PLA2G4D: variants seen among roughly 807,000 people sequenced by gnomAD.
PLA2G4D encodes the protein cytosolic phospholipase A2 delta.
In PLA2G4D, 80 loss-of-function variants were observed where a neutral mutation model predicts 94.4. The observed-to-expected ratio is 0.85, with a 90% CI of 0.71 to 1.02. The LOEUF (loss-of-function observed/expected upper bound fraction) is 1.02. Among genes scored for constraint, PLA2G4D ranks in the 50% least tolerant of loss-of-function variants. PLA2G4D has a pLI of 0.00. For synonymous variants in PLA2G4D, 438 were observed against 440.9 expected (o/e 0.99, Z 0.08); for missense variants, 1,050 against 1,034.7 (o/e 1.01, Z -0.20).
intron 5 of PLA2G4D, 46 bp downstream of exon 5, chr15:42,085,445 G>GAC: frequency 1.2e-6 from 2 of 1,607,870 alleles, no homozygotes; most frequent in Non-Finnish European, 1.7e-6. Flanking sequence ...CATTTCCTCA[G>GAC]AGCCTGAGTC....
At chr15:42,087,460 G>A (rs760922728) in intron 2 of PLA2G4D, 24 bp from the exon 3 acceptor site, 10 of 1,613,710 alleles carry the variant, frequency 6.2e-6, no homozygotes, top group Non-Finnish European at 7.6e-6. Context: ...GGAAGTCTTC[G>A]TGAGGGAGTA....
intron 5 of PLA2G4D, 90 bp from the exon 6 acceptor site, chr15:42,085,228 G>T: frequency 6.8e-7 from 1 of 1,462,046 alleles, no homozygotes; most frequent in Non-Finnish European, 9.6e-7. Context: ...GATGCTGAGG[G>T]CTCTGTAAGT....
chr15:42,070,026 G>C lies in PLA2G4D; in HGVS notation c.2113C>G (p.Gln705Glu). 1.3e-6 allele frequency: 2 copies of C among 1,516,310 alleles called. No homozygotes were observed. Among genetic ancestry groups the C allele is most frequent in the Non-Finnish European group, 1.8e-6 (2 of 1,132,922 alleles). 93.9% of individuals were successfully genotyped at this position (1,516,310 alleles called of 1,614,324 possible). A position where few individuals can be genotyped will look rare whatever the true frequency, so the allele number is the denominator to read the frequency against. Residue 705 changes from glutamine to glutamate, a missense_variant, in exon 19 of 20, where the codon CAG becomes GAG. Transcript: ENST00000290472. ...CATTCCCTTGGCTGGTGCTGGTCCTGAGGGCTGGGTTCCACCCGGGGGAAG... is the reference window on the plus strand; with the variant it reads ...CATTCCCTTGGCTGGTGCTGGTCCTCAGGGCTGGGTTCCACCCGGGGGAAG... Reference protein sequence around the residue: ...LPFPRVEPSPQDQHQPRECHL... With the variant: ...LPFPRVEPSPEDQHQPRECHL...
In PLA2G4D at chr15:42,068,677, C is replaced by T. The variant is rs1041751991; in HGVS notation, c.*38G>A. ...AGCCCAGCTACAGATCAGGTTATGC[C>T]CGCAGGCCCTGGAGGGTCCTGCAGC... On this transcript the variant is annotated 3_prime_UTR_variant, in exon 20 of 20. Coordinates refer to ENST00000290472, the MANE Select transcript of PLA2G4D (RefSeq NM_178034.4). The T allele has an allele frequency of 1.3e-6, 2 of 1,555,272 alleles. No homozygotes were observed. The highest frequency in any genetic ancestry group is 1.4e-5 in the African/African-American group (1 of 73,448).
intron 1 of PLA2G4D, among the ~76,000 whole-genome samples, chr15:42,093,788 C>A (rs565387998): frequency 7.9e-5 from 12 of 152,334 alleles, no homozygotes; most frequent in Non-Finnish European, 1.5e-4. Flanking sequence ...GTGACCTTGA[C>A]ACACTTAGCC....
chr15:42,091,966 T>G (rs1230597800), intron 1 of PLA2G4D, among the ~76,000 whole-genome samples: 1 of 152,192 alleles, frequency 6.6e-6, no homozygotes, highest in Non-Finnish European at 1.5e-5. Context: ...CCCTTTTGCT[T>G]TGTATCCAAT....
chr15:42,071,185 A>C lies in PLA2G4D; in HGVS notation c.1814T>G (p.Phe605Cys). Residue 605 changes from phenylalanine (F) to cysteine (C), a missense_variant, in exon 17 of 20, where the codon TTC becomes TGC. Physicochemically the swap from Phe to Cys is radical, Grantham distance 205. Transcript: ENST00000290472. The stretch of plus-strand genomic sequence containing the variant: ...CTGGTGCAGCTGGAGGCCCTGGAGG[A>C]AGTTGGGGCTGCGCTGGTGGAGGGG... ...GRPLHQRSPNFLQGLQLHQDY... is the reference protein window; with the variant it reads ...GRPLHQRSPNCLQGLQLHQDY... The C allele has an allele frequency of 6.2e-7, 1 of 1,613,424 alleles. No individual in the cohort carries two copies. Among genetic ancestry groups the C allele is most frequent in the Non-Finnish European group, 8.5e-7 (1 of 1,179,784 alleles).
chr15:42,077,411 A>G (rs1889952639), intron 13 of PLA2G4D, among the ~76,000 whole-genome samples: 1 of 152,244 alleles, frequency 6.6e-6, no homozygotes, highest in Non-Finnish European at 1.5e-5. Context: ...CATCCCAGGA[A>G]CGCAAGGATG....
At chr15:42,073,245 T>C (rs1208710653) in intron 13 of PLA2G4D, among the ~76,000 whole-genome samples, 1 of 152,188 alleles carries the variant, frequency 6.6e-6, no homozygotes, top group Non-Finnish European at 1.5e-5. Context: ...GCAATCCACC[T>C]GCCTTGGCGT....
intron 13 of PLA2G4D, among the ~76,000 whole-genome samples, chr15:42,078,812 TTCAGA>T (rs528104918): frequency 9.3e-4 from 141 of 152,248 alleles, no homozygotes; most frequent in Non-Finnish European, 1.6e-3. Context: ...TGAAGCTTTG[TTCAGA>T]TAGTTATGTG....
Position 42,081,142 on chromosome 15 carries a change from C to A in PLA2G4D, c.958-9G>T, listed in dbSNP as rs1371790229. Reference sequence around the variant, plus strand: ...ATGCCCACAACGGGTACCTGGACCACACACAGACAGGCTGGATTAACAAGG... The same window carrying A: ...ATGCCCACAACGGGTACCTGGACCAAACACAGACAGGCTGGATTAACAAGG... On this transcript the variant is annotated splice_polypyrimidine_tract_variant and intron_variant, in intron 11 of 19. Transcript: ENST00000290472. 1 of 1,612,124 alleles carries A rather than the reference C, an allele frequency of 6.2e-7. No individual in the cohort carries two copies. Among genetic ancestry groups the A allele is most frequent in the Non-Finnish European group, 8.5e-7 (1 of 1,178,760 alleles).
intron 11 of PLA2G4D, 120 bp from the exon 12 acceptor site, chr15:42,081,253 A>C: frequency 6.8e-7 from 1 of 1,479,592 alleles, no homozygotes; most frequent in East Asian, 2.3e-5. Context: ...GGGTCCTGAT[A>C]GAGTCAGGGT....
chr15:42,093,215 G>A (rs1356941880), intron 1 of PLA2G4D, among the ~76,000 whole-genome samples: 1 of 152,226 alleles, frequency 6.6e-6, no homozygotes, highest in African/African-American at 2.4e-5. Context: ...GGAGCTTGAG[G>A]ACCTGGTCCT....
rs772100342 is a variant in PLA2G4D, at chr15:42,079,777, C to A, written c.1095-18G>T. 5.8e-5 allele frequency: 93 copies of A among 1,597,098 alleles called. No homozygotes were observed. Among genetic ancestry groups the A allele is most frequent in the Non-Finnish European group, 7.9e-5 (93 of 1,174,038 alleles). ...CCATTGTCCTGGAAGAACGAGGGGACAGAACAGTAGGAGCCCGAGGCCCAG... is the reference window on the plus strand; with the variant it reads ...CCATTGTCCTGGAAGAACGAGGGGAAAGAACAGTAGGAGCCCGAGGCCCAG... On this transcript the variant is annotated intron_variant, in intron 12 of 19. Coordinates refer to ENST00000290472, the MANE Select transcript of PLA2G4D (RefSeq NM_178034.4).
At position 42,087,372 on chromosome 15, in the gene PLA2G4D, G is replaced by C. The variant is rs1566865733; in HGVS notation, c.183C>G (p.Thr61=). The change falls in exon 3 of 20, where the codon ACC becomes ACG. Residue 61 remains threonine, a synonymous_variant. Transcript: ENST00000290472. Reference sequence around the variant, plus strand: ...GATGACTGGTGTCGGTGAGCGTCTTGGTCTTAAACTTCATTCCAGGTGCGG... The same window carrying C: ...GATGACTGGTGTCGGTGAGCGTCTTCGTCTTAAACTTCATTCCAGGTGCGG... ...LSTAPGMKFK[T]KTLTDTSHPV... is the part of the protein sequence containing the mutation. The C allele has an allele frequency of 6.2e-7, 1 of 1,614,146 alleles. No homozygotes were observed. Among genetic ancestry groups the C allele is most frequent in the Non-Finnish European group, 8.5e-7 (1 of 1,180,004 alleles).
intron 8 of PLA2G4D, 152 bp from the exon 9 acceptor site, chr15:42,082,541 G>A (rs1001921923): frequency 2.3e-5 from 11 of 488,722 alleles, no homozygotes; most frequent in Admixed American, 2.2e-4. Flanking sequence ...AAAATTATAA[G>A]AGCTAATATT....
intron 1 of PLA2G4D, among the ~76,000 whole-genome samples, chr15:42,092,313 C>T (rs553211146): frequency 1.8e-4 from 28 of 152,286 alleles, no homozygotes; most frequent in African/African-American, 5.8e-4. Flanking sequence ...GGCCAGAGCT[C>T]ACAACCCCCG....
rs780086051 is a variant in PLA2G4D at position 42,080,981 on chromosome 15, C to T, written c.1094+16G>A. ...CCCCTGATTGTCTCTGCCACCCAGT[C>T]CCCCAGGATCCTCACCACGTAGAGC... On this transcript the variant is annotated intron_variant, in intron 12 of 19. Coordinates refer to ENST00000290472, the MANE Select transcript of PLA2G4D (RefSeq NM_178034.4). 6.2e-7 allele frequency: 1 copy of T among 1,611,774 alleles called. No individual in the cohort carries two copies. The highest frequency in any genetic ancestry group is 8.5e-7 in the Non-Finnish European group (1 of 1,178,758).
In PLA2G4D at chr15:42,086,194, T is replaced by TTCCCCCCCCCCACCCCCCCC; in HGVS notation, c.387+18_387+19insGGGGGGGGTGGGGGGGGGGA. The TTCCCCCCCCCCACCCCCCCC allele has an allele frequency of 7.3e-7, 1 of 1,370,444 alleles. No homozygotes were observed. Among genetic ancestry groups the TTCCCCCCCCCCACCCCCCCC allele is most frequent in the South Asian group, 1.5e-5 (1 of 66,866 alleles). The allele number at this position is 1,370,444 out of a possible 1,614,324, so 84.9% of individuals were successfully genotyped here. On this transcript the variant is annotated intron_variant, in intron 4 of 19. Coordinates refer to ENST00000290472, the MANE Select transcript of PLA2G4D (RefSeq NM_178034.4). ...GGAAGAAGTGGGGCCCACGGGGACTTCCCCACCCACCCACCCACCTGGGGA... is the reference window on the plus strand; with the variant it reads ...GGAAGAAGTGGGGCCCACGGGGACTTTCCCCCCCCCCACCCCCCCCCCCCACCCACCCACCCACCTGGGGA...
Sources: gnomAD v4.1 joint callset for allele counts (sites outside exome capture counted in the v4.1 genomes callset) on GRCh38, gnomAD v4.1.1 for gene constraint, MANE v1.5 for transcripts, NCBI Gene and HGNC (gene_info 2026-07-23, HGNC 2026-07-21) for gene names.